The following WDR17 variants were observed in gnomAD, a reference collection of about 807,000 sequenced individuals.
WDR17 encodes the protein WD repeat-containing protein 17.
Under a neutral mutation model 161.7 loss-of-function variants are expected in WDR17, and 143 were observed. The ratio of observed to expected loss-of-function variants is 0.88; its 90% confidence interval spans 0.77 to 1.02. WDR17 has a LOEUF of 1.02. Ranked by LOEUF, WDR17 falls within the 50% of genes least tolerant of loss-of-function variation. The probability of loss-of-function intolerance (pLI) is 0.00; values close to 1 mark genes in which losing one functional copy is unlikely to be tolerated. For missense variants in WDR17, 1,469 were observed against 1,520.9 expected (o/e 0.97, Z 0.57); for synonymous variants, 517 against 515.6 (o/e 1.00, Z -0.04).
chr4:176,075,319 GT>G (rs1733822618), intron 1 of WDR17, among the ~76,000 whole-genome samples: 1 of 151,774 alleles, frequency 6.6e-6, no homozygotes, highest in African/African-American at 2.4e-5. Context: ...GAAACAAATT[GT>G]TTCTACTGAT....
intron 5 of WDR17, 50 bp downstream of exon 5, chr4:176,125,405 T>A (rs1188532492): frequency 2.1e-5 from 33 of 1,565,946 alleles, no homozygotes; most frequent in African/African-American, 2.7e-5. Context: ...ATATATTCTT[T>A]CGTTGAATTT....
At chr4:176,131,052 A>G (rs1208481938) in intron 6 of WDR17, among the ~76,000 whole-genome samples, 1 of 152,228 alleles carries the variant, frequency 6.6e-6, no homozygotes, top group Non-Finnish European at 1.5e-5. Context: ...AGTGCAGGTC[A>G]GATAGTGTTG....
At chr4:176,166,137 G>A in intron 22 of WDR17, 1 of 1,046,278 alleles carries the variant, frequency 9.6e-7, no homozygotes, top group South Asian at 1.7e-5. Context: ...TCCATGTGTT[G>A]GATACAGGTA....
intron 22 of WDR17, among the ~76,000 whole-genome samples, chr4:176,163,784 G>A (rs745694882): frequency 2.0e-5 from 3 of 152,124 alleles, no homozygotes; most frequent in Non-Finnish European, 4.4e-5. Flanking sequence ...GAATTACCTG[G>A]GGTAGCCCGG....
chr4:176,149,840 T>G lies in WDR17; in HGVS notation c.1931T>G (p.Met644Arg). 1.9e-6 allele frequency: 3 copies of G among 1,614,066 alleles called. No homozygotes were observed. Among genetic ancestry groups the G allele is most frequent in the Non-Finnish European group, 2.5e-6 (3 of 1,180,006 alleles). Residue 644 changes from methionine (M) to arginine (R), a missense_variant, in exon 14 of 29, where the codon ATG (methionine) becomes AGG (arginine). Coordinates refer to ENST00000508596, the MANE Select transcript of WDR17 (RefSeq NM_181265.4). The stretch of plus-strand genomic sequence containing the variant: ...TGCCATCCCAGTCGCCCCTTCACTA[T>G]GGCCTCTTGCTCCCGTGACTCTACA... ...LTCHPSRPFT[M>R]ASCSRDSTVR... is the part of the protein sequence containing the mutation.
At chr4:176,074,810 C>CTTTTTTTTTTTTTTTTTTTTTTTT (rs386357678) in intron 1 of WDR17, among the ~76,000 whole-genome samples, 1 of 79,200 alleles carries the variant, frequency 1.3e-5, no homozygotes, top group Non-Finnish European at 2.3e-5. Flanking sequence ...TTTTTTAATG[C>CTTTTTTTTTTTTTTTTTTTTTTTT]TTTTTTTTTT....
Position 176,174,715 on chromosome 4 carries a change from C to A in WDR17, c.3446C>A (p.Thr1149Lys), listed in dbSNP as rs1264185685. ...QSIVPALYEY[T>K]SQLLKRREVS... ...ATTGTTCCAGCACTTTATGAGTACA[C>A]AAGGTAAAAAAGGTTTTTTCCTCCA... The change falls in exon 26 of 29, where the codon ACA (threonine) becomes AAA (lysine). Residue 1149 changes from threonine (T) to lysine (K), a missense_variant. Coordinates refer to ENST00000508596, the MANE Select transcript of WDR17 (RefSeq NM_181265.4). 13 of 1,597,320 alleles carry A rather than the reference C, an allele frequency of 8.1e-6. No homozygotes were observed. Among genetic ancestry groups the A allele is most frequent in the Non-Finnish European group, 1.0e-5 (12 of 1,169,806 alleles).
chr4:176,141,880 A>C, intron 10 of WDR17, 103 bp from the exon 11 acceptor site: 4 of 925,198 alleles, frequency 4.3e-6, no homozygotes, highest in Non-Finnish European at 6.4e-6. Flanking sequence ...CAAAATCTCT[A>C]TCCTGGAATA....
chr4:176,072,608 A>G lies in WDR17; in HGVS notation c.-7+6529A>G, dbSNP rs146268297. 8.6e-3 allele frequency among the ~76,000 whole-genome samples: 1,305 copies of G among 152,284 alleles called. 10 individuals are homozygous for G. The highest frequency in any genetic ancestry group is 0.019 in the South Asian group (91 of 4,826). On this transcript the variant is annotated intron_variant, in intron 1 of 28. Transcript: ENST00000508596. Reference sequence around the variant, plus strand: ...AAGAAGAGCTCAAGTTAGTGGGCCAATGGATGATTTTTTTAAAATTCCTTT... The same window carrying G: ...AAGAAGAGCTCAAGTTAGTGGGCCAGTGGATGATTTTTTTAAAATTCCTTT...
rs1554036561 is a variant in WDR17 at position 176,167,661 on chromosome 4, A to AAAAAAAC, written c.2991-1005_2991-1004insCAAAAAA. On this transcript the variant is annotated intron_variant, in intron 22 of 28. Coordinates refer to ENST00000508596, the MANE Select transcript of WDR17 (RefSeq NM_181265.4). ...CTCCGTCTCAAAAAAAAAAAAAAAA[A>AAAAAAAC]AAAAAAAAAAACAATATCTTGAATT... is the stretch of plus-strand genomic sequence containing the variant. 7.7e-4 allele frequency among the ~76,000 whole-genome samples: 88 copies of AAAAAAAC among 113,768 alleles called. 4 individuals carry two copies. The highest frequency in any genetic ancestry group is 1.2e-3 in the Non-Finnish European group (68 of 55,404). 74.6% of individuals were successfully genotyped at this position (113,768 alleles called of 152,430 possible). A position where few individuals can be genotyped will look rare whatever the true frequency, so the allele number is the denominator to read the frequency against.
rs33940735 is a variant in WDR17 at position 176,120,288 on chromosome 4, T to TTATATATATATATATA, written c.538+208_538+223dup. 1.5e-3 allele frequency among the ~76,000 whole-genome samples: 206 copies of TTATATATATATATATA among 136,478 alleles called. 1 individual carries two copies. The highest frequency in any genetic ancestry group is 4.6e-3 in the African/African-American group (167 of 36,254). 89.5% of individuals were successfully genotyped at this position (136,478 alleles called of 152,430 possible). A position where few individuals can be genotyped will look rare whatever the true frequency, so the allele number is the denominator to read the frequency against. On this transcript the variant is annotated intron_variant, in intron 4 of 28. Transcript: ENST00000508596. ...TGAGTCTAAATATTCATTTGAAGTT[T>TTATATATATATATATA]TATATATATATATATATATATATAT...
chr4:176,168,953 G>T (rs915071828), intron 23 of WDR17, among the ~76,000 whole-genome samples, 170 bp downstream of exon 23: 2 of 152,172 alleles, frequency 1.3e-5, no homozygotes, highest in African/African-American at 4.8e-5. Context: ...TTACTGAACT[G>T]CTATGTGCTT....
intron 8 of WDR17, 49 bp downstream of exon 8, chr4:176,135,325 A>C: frequency 6.3e-7 from 1 of 1,590,446 alleles, no homozygotes; most frequent in Non-Finnish European, 8.6e-7. Flanking sequence ...TGGCTTTTTA[A>C]AGTTTTATTT....
chr4:176,090,097 C>T (rs1324354780), intron 1 of WDR17, among the ~76,000 whole-genome samples: 1 of 151,816 alleles, frequency 6.6e-6, no homozygotes, highest in East Asian at 1.9e-4. Flanking sequence ...GATGTTTATC[C>T]CTGAAAAATC....
intron 1 of WDR17, among the ~76,000 whole-genome samples, chr4:176,071,832 A>G (rs1237087233): frequency 6.6e-5 from 10 of 152,218 alleles, no homozygotes; most frequent in African/African-American, 2.2e-4. Context: ...GCTAAAATGG[A>G]GGAAAGTATA....
At chr4:176,085,168 A>G (rs904009846) in intron 1 of WDR17, among the ~76,000 whole-genome samples, 1 of 152,106 alleles carries the variant, frequency 6.6e-6, no homozygotes, top group Non-Finnish European at 1.5e-5. Flanking sequence ...ATTAGGATTG[A>G]ATTAAATCTG....
intron 10 of WDR17, 47 bp downstream of exon 10, chr4:176,140,021 A>G (rs746220421): frequency 2.0e-6 from 3 of 1,468,978 alleles, no homozygotes; most frequent in South Asian, 2.4e-5. Context: ...CTGTTTATAA[A>G]GCACTCATTT....
chr4:176,097,882 AT>A lies in WDR17; in HGVS notation c.-6-13691del, dbSNP rs781044040. Among the ~76,000 whole-genome samples the A allele has an allele frequency of 3.3e-4, 50 of 152,010 alleles. 2 individuals are homozygous for A. In the Middle Eastern group the frequency reaches 0.017, roughly 52 times the overall value. On this transcript the variant is annotated intron_variant, in intron 1 of 28. Coordinates refer to ENST00000508596, the MANE Select transcript of WDR17 (RefSeq NM_181265.4). ...AATGACTTTGGAGAAGCTCATGGAG[AT>A]TATGAGAATTCAAAATCTTCCTCTT...
intron 7 of WDR17, among the ~76,000 whole-genome samples, chr4:176,133,007 C>G (rs1743718585): frequency 2.0e-5 from 3 of 151,526 alleles, no homozygotes; most frequent in African/African-American, 7.3e-5. Flanking sequence ...TTCAACAAGA[C>G]AATTCTTCAT....
Sources: gnomAD v4.1 joint callset for allele counts (sites outside exome capture counted in the v4.1 genomes callset) on GRCh38, gnomAD v4.1.1 for gene constraint, MANE v1.5 for transcripts, NCBI Gene and HGNC (gene_info 2026-07-23, HGNC 2026-07-21) for gene names.